Variants in TMEFF1 observed in about 807,000 individuals in gnomAD.
TMEFF1 encodes tomoregulin-1.
A neutral mutation model predicts 47.5 loss-of-function variants in TMEFF1; 20 were observed. The observed-to-expected ratio is 0.42, with a 90% CI of 0.30 to 0.61. TMEFF1 has a LOEUF of 0.61. Among genes scored for constraint, TMEFF1 ranks in the 20% least tolerant of loss-of-function variants. The probability of loss-of-function intolerance (pLI) is 0.19; values close to 1 mark genes in which losing one functional copy is unlikely to be tolerated. For missense variants in TMEFF1, 411 were observed against 471.1 expected, an observed-to-expected ratio of 0.87 and a Z score of 1.18; for synonymous variants, 162 against 166.3, an observed-to-expected ratio of 0.97 and a Z score of 0.20.
At chr9:100,503,932 G>A (rs1837811844) in intron 2 of TMEFF1, among the ~76,000 whole-genome samples, 2 of 152,142 alleles carry the variant, frequency 1.3e-5, no homozygotes. Context: ...CAGTCAAGTT[G>A]ACATAGAAAA....
chr9:100,500,367 A>G (rs1441890249), intron 2 of TMEFF1, among the ~76,000 whole-genome samples: 2 of 152,064 alleles, frequency 1.3e-5, no homozygotes, highest in Admixed American at 1.3e-4. Flanking sequence ...TATTTCTTAT[A>G]ATCTGGGACT....
chr9:100,490,530 T>C (rs10989112), intron 1 of TMEFF1, among the ~76,000 whole-genome samples: 15,827 of 152,216 alleles, frequency 0.1, 1,227 homozygotes, highest in South Asian at 0.24. Flanking sequence ...ACTACTTGTT[T>C]TAGGCACGAT....
At chr9:100,497,747 G>A (rs1837682842) in intron 1 of TMEFF1, among the ~76,000 whole-genome samples, 1 of 152,128 alleles carries the variant, frequency 6.6e-6, no homozygotes, top group Non-Finnish European at 1.5e-5. Context: ...GGGGATAACT[G>A]GAGAAATGCT....
rs73655583 is a variant in TMEFF1, at chr9:100,519,022, G to C, written c.560+2251G>C. Among the ~76,000 whole-genome samples the C allele has an allele frequency of 6.5e-3, 987 of 152,198 alleles. 9 individuals are homozygous for C. Among genetic ancestry groups the C allele is most frequent in the African/African-American group, 0.023 (950 of 41,538 alleles). ...TTCCTTATTAAAAGATAAACTTTTAGTTATTAAGAACAAAAGCTCAGTTTA... is the reference window on the plus strand; with the variant it reads ...TTCCTTATTAAAAGATAAACTTTTACTTATTAAGAACAAAAGCTCAGTTTA... On this transcript the variant is annotated intron_variant, in intron 5 of 9. Coordinates refer to ENST00000374879, the MANE Select transcript of TMEFF1 (RefSeq NM_003692.5).
chr9:100,479,673 A>G (rs1837303640), intron 1 of TMEFF1, among the ~76,000 whole-genome samples: 1 of 152,200 alleles, frequency 6.6e-6, no homozygotes, highest in Non-Finnish European at 1.5e-5. Context: ...TTCAATGTGC[A>G]TCCATGTTGT....
intron 5 of TMEFF1, among the ~76,000 whole-genome samples, chr9:100,543,704 AAC>A (rs36046142): frequency 0.18 from 24,339 of 138,608 alleles, 2,108 homozygotes; most frequent in Middle Eastern, 0.23. Flanking sequence ...GATGAAGTAA[AAC>A]ACACACACAC....
intron 5 of TMEFF1, among the ~76,000 whole-genome samples, chr9:100,547,422 A>G (rs1486843566): frequency 6.6e-6 from 1 of 152,066 alleles, no homozygotes; most frequent in Non-Finnish European, 1.5e-5. Flanking sequence ...GTGACTATTG[A>G]CTCATAATTC....
intron 5 of TMEFF1, among the ~76,000 whole-genome samples, chr9:100,537,096 A>C (rs11791788): frequency 6.6e-6 from 1 of 152,200 alleles, no homozygotes; most frequent in Non-Finnish European, 1.5e-5. Context: ...GTTTCAGACA[A>C]TAGTGGTGAC....
intron 2 of TMEFF1, among the ~76,000 whole-genome samples, chr9:100,507,752 G>A (rs553426304): frequency 6.6e-6 from 1 of 152,144 alleles, no homozygotes; most frequent in Admixed American, 6.6e-5. Context: ...CTTAATGACT[G>A]CAATATTAAT....
At chr9:100,508,275 G>T (rs1837898131) in intron 2 of TMEFF1, among the ~76,000 whole-genome samples, 1 of 152,092 alleles carries the variant, frequency 6.6e-6, no homozygotes, top group African/African-American at 2.4e-5. Flanking sequence ...TTTCTAACAT[G>T]TAGATGTTTT....
chr9:100,556,476 C>T (rs1379364135), intron 7 of TMEFF1, among the ~76,000 whole-genome samples: 1 of 152,012 alleles, frequency 6.6e-6, no homozygotes, highest in Non-Finnish European at 1.5e-5. Flanking sequence ...AGGGGTGGGA[C>T]TGGGGAAATC....
Position 100,547,864 on chromosome 9 carries a change from T to C in TMEFF1, c.681T>C (p.Ile227=). 6.2e-7 allele frequency: 1 copy of C among 1,606,202 alleles called. No homozygotes were observed. Among genetic ancestry groups the C allele is most frequent in the Non-Finnish European group, 8.5e-7 (1 of 1,177,422 alleles). The change falls in exon 6 of 10, where the codon ATT becomes ATC. Residue 227 remains isoleucine (I), a synonymous_variant. Transcript: ENST00000374879. ...REASCIKQEQ[I]DIRHLGHCTD... ...CATCTTGTATAAAGCAAGAACAAAT[T>C]GATATAAGGCATCTTGGTCATTGCA...
chr9:100,556,105 T>C lies in TMEFF1; in HGVS notation c.776-5292T>C, dbSNP rs991670834. Reference sequence around the variant, plus strand: ...CTATTACTTTGGTGAACCTTAACACTTGTTCTCGAGCCTGGATCTTTTTTC... The same window carrying C: ...CTATTACTTTGGTGAACCTTAACACCTGTTCTCGAGCCTGGATCTTTTTTC... On this transcript the variant is annotated intron_variant, in intron 7 of 9. Coordinates refer to ENST00000374879, the MANE Select transcript of TMEFF1 (RefSeq NM_003692.5). Among the ~76,000 whole-genome samples, 4 of 152,214 alleles carry C rather than the reference T, an allele frequency of 2.6e-5. No individual in the cohort carries two copies. The East Asian group carries it at 7.7e-4, about 29-fold the overall frequency.
chr9:100,549,976 G>A, intron 6 of TMEFF1, 119 bp from the exon 7 acceptor site: 1 of 1,159,312 alleles, frequency 8.6e-7, no homozygotes, highest in African/African-American at 1.6e-5. Flanking sequence ...TAGACAACAT[G>A]AGCAGGATAA....
intron 1 of TMEFF1, among the ~76,000 whole-genome samples, chr9:100,484,594 C>T (rs1837412892): frequency 6.6e-6 from 1 of 151,838 alleles, no homozygotes; most frequent in Non-Finnish European, 1.5e-5. Flanking sequence ...GTTGGGATTA[C>T]AGGTGTGAGC....
At chr9:100,531,324 A>G (rs2118450411) in intron 5 of TMEFF1, among the ~76,000 whole-genome samples, 1 of 152,350 alleles carries the variant, frequency 6.6e-6, no homozygotes. Flanking sequence ...ACATGATTGT[A>G]TATCTAGAAA....
chr9:100,571,009 G>A (rs772209820), intron 8 of TMEFF1, among the ~76,000 whole-genome samples: 3 of 152,144 alleles, frequency 2.0e-5, no homozygotes, highest in Non-Finnish European at 4.4e-5. Flanking sequence ...AGCTGATGCA[G>A]TTGTCTTTTT....
intron 7 of TMEFF1, among the ~76,000 whole-genome samples, chr9:100,560,643 C>T (rs746438833): frequency 8.5e-5 from 13 of 152,130 alleles, no homozygotes; most frequent in Non-Finnish European, 1.9e-4. Context: ...TGACCTGTTC[C>T]ATCTCTCCTT....
chr9:100,481,281 G>GT (rs936815780), intron 1 of TMEFF1, among the ~76,000 whole-genome samples: 2 of 152,150 alleles, frequency 1.3e-5, no homozygotes, highest in African/African-American at 4.8e-5. Context: ...ATTTTTATCT[G>GT]TTTCGTTTAC....
Sources: allele counts gnomAD v4.1 joint callset (sites outside exome capture counted in the v4.1 genomes callset), GRCh38; gene constraint gnomAD v4.1.1; transcripts MANE v1.5; gene names NCBI Gene and HGNC (gene_info 2026-07-23, HGNC 2026-07-21).